The following TSHR variants were observed in gnomAD, a reference collection of about 807,000 sequenced individuals.
TSHR encodes thyrotropin receptor.
TSHR carries 51 observed loss-of-function variants against 64.1 expected under a neutral mutation model. That is an observed-to-expected ratio of 0.80 (90% CI 0.64 to 1.01). TSHR has a LOEUF of 1.01. Among genes scored for constraint, TSHR ranks in the 50% least tolerant of loss-of-function variants. The probability of loss-of-function intolerance (pLI) is 0.00; values close to 1 mark genes in which losing one functional copy is unlikely to be tolerated. For missense variants in TSHR, 877 were observed against 942.8 expected, an observed-to-expected ratio of 0.93 and a Z score of 0.91; for synonymous variants, 361 against 361.9, an observed-to-expected ratio of 1.00 and a Z score of 0.03.
intron 1 of TSHR, among the ~76,000 whole-genome samples, chr14:80,988,604 G>C (rs887295493): frequency 6.6e-6 from 1 of 152,020 alleles, no homozygotes; most frequent in Non-Finnish European, 1.5e-5. Context: ...CTCTCCTAAG[G>C]CAATCCTTGT....
At chr14:81,108,952 C>T (rs188681271) in intron 8 of TSHR, 1 of 1,343,122 alleles carries the variant, frequency 7.4e-7, no homozygotes, top group Non-Finnish European at 9.6e-7. Flanking sequence ...GAAAACATAC[C>T]TATTTGTGCA....
At chr14:81,131,645 T>C (rs1595162752) in intron 8 of TSHR, among the ~76,000 whole-genome samples, 1 of 152,278 alleles carries the variant, frequency 6.6e-6, no homozygotes, top group Non-Finnish European at 1.5e-5. Context: ...TGGCCTGCAA[T>C]GCTTTTGCTC....
At chr14:81,081,212 A>G (rs1887879149) in intron 3 of TSHR, among the ~76,000 whole-genome samples, 1 of 152,208 alleles carries the variant, frequency 6.6e-6, no homozygotes. Flanking sequence ...GTTGCTATAG[A>G]CAATTTAATC....
chr14:81,027,871 G>A lies in TSHR; in HGVS notation c.171-34277G>A, dbSNP rs116053167. On this transcript the variant is annotated intron_variant, in intron 1 of 9. Transcript: ENST00000298171. Reference sequence around the variant, plus strand: ...AATATAACTAACAAAAATCAGGAGCGAGAGGGAAATGAAAATGGGAGATAA... The same window carrying A: ...AATATAACTAACAAAAATCAGGAGCAAGAGGGAAATGAAAATGGGAGATAA... Among the ~76,000 whole-genome samples the A allele has an allele frequency of 7.2e-3, 1,089 of 152,180 alleles. 17 individuals are homozygous for A. The highest frequency in any genetic ancestry group is 0.024 in the African/African-American group (1,015 of 41,532).
At chr14:80,977,732 C>T (rs970146932) in intron 1 of TSHR, among the ~76,000 whole-genome samples, 2 of 152,224 alleles carry the variant, frequency 1.3e-5, no homozygotes, top group Admixed American at 6.5e-5. Flanking sequence ...AAGTCCTGCT[C>T]AGGCCCTATT....
chr14:81,038,833 C>T (rs181694231), intron 1 of TSHR, among the ~76,000 whole-genome samples: 9 of 150,588 alleles, frequency 6.0e-5, no homozygotes, highest in Non-Finnish European at 8.9e-5. Flanking sequence ...ACACATATAA[C>T]CTACCAAAAT....
chr14:81,092,678 AC>A, intron 6 of TSHR, 70 bp downstream of exon 6: 1 of 1,421,328 alleles, frequency 7.0e-7, no homozygotes, highest in Non-Finnish European at 9.9e-7. Flanking sequence ...ATGTTTACAG[AC>A]CATCCAAGAG....
intron 8 of TSHR, among the ~76,000 whole-genome samples, chr14:81,113,079 C>T (rs547392197): frequency 7.2e-5 from 11 of 152,228 alleles, no homozygotes; most frequent in Non-Finnish European, 7.3e-5. Context: ...AACATGCCGG[C>T]TGTTGTGTTG....
intron 3 of TSHR, among the ~76,000 whole-genome samples, chr14:81,078,101 AAT>A (rs960413132): frequency 2.6e-5 from 4 of 151,360 alleles, no homozygotes; most frequent in African/African-American, 9.8e-5. Context: ...TAAAGAAAAA[AAT>A]AGTCATTTAT....
At chr14:81,082,156 T>C (rs1473109713) in intron 3 of TSHR, among the ~76,000 whole-genome samples, 2 of 152,102 alleles carry the variant, frequency 1.3e-5, no homozygotes, top group African/African-American at 4.8e-5. Context: ...TCCTTTGTTT[T>C]ATGGAATAAG....
intron 4 of TSHR, among the ~76,000 whole-genome samples, chr14:81,088,532 A>C (rs1464283032): frequency 6.6e-6 from 1 of 152,158 alleles, no homozygotes; most frequent in African/African-American, 2.4e-5. Flanking sequence ...TTATGAGCTA[A>C]CCATAAGCTC....
chr14:81,134,707 G>A (rs1409402247), intron 8 of TSHR, among the ~76,000 whole-genome samples: 3 of 152,170 alleles, frequency 2.0e-5, no homozygotes, highest in Admixed American at 2.0e-4. Flanking sequence ...ATGGAGATAT[G>A]TCTGATGGAC....
At chr14:80,970,290 T>A (rs1282001454) in intron 1 of TSHR, among the ~76,000 whole-genome samples, 1 of 152,250 alleles carries the variant, frequency 6.6e-6, no homozygotes. Context: ...GTAAAATTTC[T>A]ATCATAAAAT....
At chr14:80,970,448 T>C (rs1042293079) in intron 1 of TSHR, among the ~76,000 whole-genome samples, 1 of 152,242 alleles carries the variant, frequency 6.6e-6, no homozygotes, top group Non-Finnish European at 1.5e-5. Context: ...GGAATTATTT[T>C]CCTCATAAAG....
chr14:81,094,904 C>A (rs945104009), intron 6 of TSHR, among the ~76,000 whole-genome samples: 1 of 151,838 alleles, frequency 6.6e-6, no homozygotes, highest in Admixed American at 6.6e-5. Flanking sequence ...TTTGATTGGG[C>A]ATTACATTTA....
intron 7 of TSHR, chr14:81,104,475 C>T (rs1476067056): frequency 5.0e-5 from 49 of 985,362 alleles, no homozygotes; most frequent in East Asian, 4.5e-4. Context: ...TCTCTTGCCA[C>T]GACATCACAC....
rs574707811 is a variant in TSHR at position 80,996,958 on chromosome 14, G to GT, written c.170+41109dup. On this transcript the variant is annotated intron_variant, in intron 1 of 9. Transcript: ENST00000298171. ...CTACTGAATGTCAGTTTCTTCAACA[G>GT]TAAAGAAGACACATTATTATTGCTG... Among the ~76,000 whole-genome samples the GT allele has an allele frequency of 1.7e-3, 265 of 152,150 alleles. 1 individual carries two copies. The highest frequency in any genetic ancestry group is 3.4e-3 in the Middle Eastern group (1 of 294).
At chr14:80,978,094 AACACACACACACAC>A (rs60697218) in intron 1 of TSHR, among the ~76,000 whole-genome samples, 4 of 146,386 alleles carry the variant, frequency 2.7e-5, no homozygotes, top group African/African-American at 7.7e-5. Flanking sequence ...ACATCCCTCC[AACACACACACACAC>A]ACACACACAC....
chr14:81,049,581 C>T (rs955907563), intron 1 of TSHR: 1 of 148,900 alleles, frequency 6.7e-6, no homozygotes, highest in Non-Finnish European at 1.5e-5. Context: ...CAAAGAGATA[C>T]ATTTAAGTTT....
Sources: gnomAD v4.1 joint callset for allele counts (sites outside exome capture counted in the v4.1 genomes callset) on GRCh38, gnomAD v4.1.1 for gene constraint, MANE v1.5 for transcripts, NCBI Gene and HGNC (gene_info 2026-07-23, HGNC 2026-07-21) for gene names.